Variants in ARID1B observed in about 807,000 individuals in gnomAD.
ARID1B encodes the protein AT-rich interactive domain-containing protein 1B.
In ARID1B, 30 loss-of-function variants were observed where a neutral mutation model predicts 212.3. The observed-to-expected ratio is 0.14, with a 90% CI of 0.11 to 0.19. ARID1B has a LOEUF of 0.19. Ranked by LOEUF, ARID1B falls within the 10% of genes least tolerant of loss-of-function variation. The probability of loss-of-function intolerance (pLI) is 1.00; values close to 1 mark genes in which losing one functional copy is unlikely to be tolerated. For synonymous variants in ARID1B, 1,402 were observed against 1,301.7 expected (o/e 1.08, Z -1.66); for missense variants, 2,891 against 3,204.0 (o/e 0.90, Z 2.36).
At chr6:157,187,948 C>T (rs892255201) in intron 13 of ARID1B, among the ~76,000 whole-genome samples, 19 of 152,156 alleles carry the variant, frequency 1.2e-4, no homozygotes, top group Non-Finnish European at 2.2e-4. Context: ...CAGCACTAGG[C>T]GGGCAACCAT....
chr6:157,144,868 G>GT (rs941531053), intron 7 of ARID1B, among the ~76,000 whole-genome samples: 4 of 152,198 alleles, frequency 2.6e-5, no homozygotes, highest in African/African-American at 9.7e-5. Context: ...GAACAGTGGT[G>GT]TTTTTTTATT....
intron 1 of ARID1B, among the ~76,000 whole-genome samples, chr6:156,786,470 G>C (rs1427934929): frequency 6.6e-6 from 1 of 152,192 alleles, no homozygotes; most frequent in Admixed American, 6.5e-5. Context: ...CTAGTCTCAT[G>C]AACAGGCGTC....
At chr6:157,036,818 T>A (rs1372630171) in intron 4 of ARID1B, 1 of 496,280 alleles carries the variant, frequency 2.0e-6, no homozygotes, top group Non-Finnish European at 4.0e-6. Flanking sequence ...AAATTATGTT[T>A]TTCCTTATGA....
At chr6:157,073,015 A>G (rs1282522641) in intron 4 of ARID1B, among the ~76,000 whole-genome samples, 2 of 152,182 alleles carry the variant, frequency 1.3e-5, no homozygotes, top group Admixed American at 6.5e-5. Flanking sequence ...GATTGTTAAT[A>G]TAACTCTTTG....
chr6:156,776,139 T>C (rs994318716), upstream of ARID1B, among the ~76,000 whole-genome samples: 1 of 152,258 alleles, frequency 6.6e-6, no homozygotes, highest in Non-Finnish European at 1.5e-5. Flanking sequence ...AAGTATTGTT[T>C]CTGCCAGGTT....
chr6:157,100,880 A>G (rs1459917374), intron 5 of ARID1B, among the ~76,000 whole-genome samples: 1 of 152,226 alleles, frequency 6.6e-6, no homozygotes, highest in Non-Finnish European at 1.5e-5. Context: ...CATGTTGCAG[A>G]AATTAAAGGA....
At position 157,181,250 on chromosome 6, in the gene ARID1B, T is replaced by C; in HGVS notation, c.3714+72T>C. 4 of 1,531,878 alleles carry C rather than the reference T, an allele frequency of 2.6e-6. No homozygotes were observed. The South Asian group carries it at 3.5e-5, about 14-fold the overall frequency. 94.9% of individuals were successfully genotyped at this position (1,531,878 alleles called of 1,614,324 possible). ...AGTTCTTACAGTGGCTTTCTTTGAA[T>C]GTGTGGACTCATTTTTTTTCTCACA... On this transcript the variant is annotated intron_variant, in intron 12 of 19. Transcript: ENST00000636930.
At chr6:156,853,614 AC>A (rs1379613125) in intron 2 of ARID1B, among the ~76,000 whole-genome samples, 1 of 151,742 alleles carries the variant, frequency 6.6e-6, no homozygotes, top group Non-Finnish European at 1.5e-5. Context: ...CTGTGGTCTC[AC>A]CTTTATGGCA....
Position 156,778,313 on chromosome 6 carries a change from G to T in ARID1B, c.633G>T (p.Gln211His), listed in dbSNP as rs930274601. The T allele has an allele frequency of 3.9e-6, 6 of 1,544,750 alleles. No homozygotes were observed. Among genetic ancestry groups the T allele is most frequent in the Non-Finnish European group, 4.4e-6 (5 of 1,146,654 alleles). The change falls in exon 1 of 20, where the codon CAG becomes CAT. Residue 211 changes from glutamine (Q) to histidine (H), a missense_variant. This residue lies in a region of ARID1B where 1,643 missense variants were observed against 1,544.0 expected (regional missense o/e 1.06). Transcript: ENST00000636930. Reference sequence around the variant, plus strand: ...AGCAACAGCAGCAGCAGCAGCAGCAGCAACAGCAACATCCCATTTCCAACA... The same window carrying T: ...AGCAACAGCAGCAGCAGCAGCAGCATCAACAGCAACATCCCATTTCCAACA... ...QQQQQQQQQQ[Q>H]QQQHPISNNN...
intron 4 of ARID1B, among the ~76,000 whole-genome samples, chr6:156,966,487 G>A (rs149490204): frequency 0.019 from 2,839 of 146,836 alleles, 76 homozygotes; most frequent in African/African-American, 0.066. Context: ...TCCGCCTCCC[G>A]GGTTCAAGTG....
intron 2 of ARID1B, among the ~76,000 whole-genome samples, chr6:156,837,998 G>A (rs1353453099): frequency 6.6e-6 from 1 of 152,212 alleles, no homozygotes; most frequent in African/African-American, 2.4e-5. Context: ...TAGATAAACA[G>A]CAGGAGTTAC....
At chr6:156,791,247 G>A (rs1012072368) in intron 1 of ARID1B, among the ~76,000 whole-genome samples, 2 of 152,234 alleles carry the variant, frequency 1.3e-5, no homozygotes, top group Non-Finnish European at 2.9e-5. Context: ...AGAGGAAGGT[G>A]TACTAGCATG....
chr6:156,779,315 G>C lies in ARID1B; in HGVS notation c.1635G>C (p.Ala545=). The C allele has an allele frequency of 8.8e-7, 1 of 1,142,360 alleles. No individual in the cohort carries two copies. Among genetic ancestry groups the C allele is most frequent in the Non-Finnish European group, 1.1e-6 (1 of 932,130 alleles). The allele number at this position is 1,142,360 out of a possible 1,614,324, so 70.8% of individuals were successfully genotyped here. ...AGTCCCAGGCGGCGGCGGCGGGGGC[G>C]GCGGCGGGCGGCCAGCAGGCGGCCG... is the stretch of plus-strand genomic sequence containing the variant. ...QPQSQAAAAG[A]AAGGQQAAAG... The change falls in exon 1 of 20, where the codon GCG becomes GCC. Residue 545 remains alanine (A), a synonymous_variant. Coordinates refer to ENST00000636930, the MANE Select transcript of ARID1B (RefSeq NM_001374828.1).
chr6:156,779,743 C>A (rs917808909), intron 1 of ARID1B: 1 of 158,806 alleles, frequency 6.3e-6, no homozygotes, highest in African/African-American at 2.4e-5. Context: ...CCCCCCCTCC[C>A]CCAGGCCCGG....
chr6:157,035,955 A>G (rs569589196), intron 4 of ARID1B, among the ~76,000 whole-genome samples: 43 of 152,226 alleles, frequency 2.8e-4, no homozygotes, highest in Non-Finnish European at 5.4e-4. Flanking sequence ...AGATAGGCCT[A>G]TGTGCCTTCT....
chr6:157,187,577 C>T (rs1388284889), intron 13 of ARID1B, among the ~76,000 whole-genome samples: 2 of 152,174 alleles, frequency 1.3e-5, no homozygotes, highest in African/African-American at 4.8e-5. Flanking sequence ...CAGCTAGGAG[C>T]CTGGCCATGC....
chr6:157,006,553 A>G (rs192891696), intron 4 of ARID1B, among the ~76,000 whole-genome samples: 1 of 152,216 alleles, frequency 6.6e-6, no homozygotes, highest in East Asian at 1.9e-4. Context: ...AGTTACCAGT[A>G]AACACACAGT....
At chr6:156,958,313 A>T (rs1026607462) in intron 4 of ARID1B, among the ~76,000 whole-genome samples, 4 of 152,232 alleles carry the variant, frequency 2.6e-5, no homozygotes, top group African/African-American at 9.6e-5. Context: ...AAACACTAGG[A>T]ATGAGTAATA....
intron 4 of ARID1B, among the ~76,000 whole-genome samples, chr6:157,081,675 A>G (rs1402832999): frequency 1.3e-5 from 2 of 152,190 alleles, no homozygotes; most frequent in South Asian, 4.1e-4. Flanking sequence ...CAACCTGAGT[A>G]AAGCCCTCTT....
Sources: allele counts gnomAD v4.1 joint callset (sites outside exome capture counted in the v4.1 genomes callset), GRCh38; gene constraint gnomAD v4.1.1; regional missense constraint gnomAD v4.1.1; transcripts MANE v1.5; gene names NCBI Gene and HGNC (gene_info 2026-07-23, HGNC 2026-07-21).